Variants in EYS observed in about 807,000 individuals in gnomAD.
EYS encodes EGF-like photoreceptor maintenance factor.
A neutral mutation model predicts 282.1 loss-of-function variants in EYS; 250 were observed. The observed-to-expected ratio is 0.89, with a 90% CI of 0.80 to 0.98. EYS has a LOEUF of 0.98. EYS is among the 50% of genes least tolerant of loss of function. EYS has a pLI of 0.00. For missense variants in EYS, 4,016 were observed against 3,709.0 expected (o/e 1.08, Z -2.15); for synonymous variants, 1,355 against 1,282.9 (o/e 1.06, Z -1.20).
intron 2 of EYS, among the ~76,000 whole-genome samples, chr6:65,499,653 C>T (rs931256831): frequency 1.3e-5 from 2 of 151,922 alleles, no homozygotes; most frequent in African/African-American, 4.8e-5. Context: ...AAGTAAGCAA[C>T]AAATTTTACC....
chr6:63,879,818 G>A (rs936792700), intron 35 of EYS, among the ~76,000 whole-genome samples: 1 of 152,094 alleles, frequency 6.6e-6, no homozygotes, highest in African/African-American at 2.4e-5. Flanking sequence ...AAGCATCTGG[G>A]GTGACTGCCT....
At chr6:65,018,315 T>G (rs1303994046) in intron 13 of EYS, among the ~76,000 whole-genome samples, 1 of 152,178 alleles carries the variant, frequency 6.6e-6, no homozygotes, top group Non-Finnish European at 1.5e-5. Flanking sequence ...ATGTGTTCCA[T>G]GTCTCTCCTC....
chr6:64,406,099 T>A (rs141335526), intron 28 of EYS, among the ~76,000 whole-genome samples: 96 of 152,256 alleles, frequency 6.3e-4, no homozygotes, highest in African/African-American at 2.0e-3. Flanking sequence ...ATGGTACTGG[T>A]AGCAAAACAG....
At chr6:64,420,817 T>A (rs927237932) in intron 28 of EYS, among the ~76,000 whole-genome samples, 1 of 152,158 alleles carries the variant, frequency 6.6e-6, no homozygotes, top group African/African-American at 2.4e-5. Flanking sequence ...AATAAGTTCT[T>A]CCTCTCCATC....
At chr6:65,533,369 GC>G (rs1767851910) in intron 2 of EYS, among the ~76,000 whole-genome samples, 1 of 152,006 alleles carries the variant, frequency 6.6e-6, no homozygotes, top group Non-Finnish European at 1.5e-5. Context: ...AAAAGTCCAG[GC>G]CCAGACGGAT....
intron 13 of EYS, among the ~76,000 whole-genome samples, chr6:65,006,974 G>C (rs1430587011): frequency 6.6e-6 from 1 of 152,192 alleles, no homozygotes; most frequent in Non-Finnish European, 1.5e-5. Context: ...TGATGGGGCA[G>C]CTGGGTTGTT....
chr6:63,993,053 A>C (rs762173440), intron 34 of EYS, among the ~76,000 whole-genome samples: 1 of 151,814 alleles, frequency 6.6e-6, no homozygotes, highest in Non-Finnish European at 1.5e-5. Flanking sequence ...GGAGAATGTA[A>C]TAATAATTAC....
chr6:65,631,161 T>C (rs976740626), intron 2 of EYS, among the ~76,000 whole-genome samples: 3 of 152,296 alleles, frequency 2.0e-5, no homozygotes, highest in East Asian at 3.9e-4. Context: ...AACCAAGTTT[T>C]TGGTGACAAT....
chr6:63,924,000 T>G (rs1406535353), intron 35 of EYS, among the ~76,000 whole-genome samples: 2 of 152,220 alleles, frequency 1.3e-5, no homozygotes, highest in African/African-American at 4.8e-5. Context: ...AATGGTTCTA[T>G]TCATAGATCT....
chr6:64,736,657 A>T (rs541767659), intron 22 of EYS, among the ~76,000 whole-genome samples: 2 of 152,096 alleles, frequency 1.3e-5, no homozygotes, highest in Non-Finnish European at 2.9e-5. Flanking sequence ...TGTTTTTAAC[A>T]TTATATTTCT....
At chr6:63,777,290 G>C (rs1156670313) in intron 40 of EYS, among the ~76,000 whole-genome samples, 1 of 152,144 alleles carries the variant, frequency 6.6e-6, no homozygotes, top group Non-Finnish European at 1.5e-5. Context: ...GAGAAACTCT[G>C]ACACTCCTCT....
intron 26 of EYS, among the ~76,000 whole-genome samples, chr6:64,509,621 G>T (rs1777320715): frequency 6.6e-6 from 1 of 152,092 alleles, no homozygotes; most frequent in African/African-American, 2.4e-5. Context: ...AATGGATATG[G>T]TTTGGTGTGC....
chr6:64,397,964 G>A (rs1773429922), intron 28 of EYS, among the ~76,000 whole-genome samples: 2 of 151,442 alleles, frequency 1.3e-5, no homozygotes, highest in East Asian at 3.9e-4. Flanking sequence ...GTTTTCTTTG[G>A]CCTCAGTGGT....
intron 22 of EYS, among the ~76,000 whole-genome samples, chr6:64,753,081 A>T (rs1190271374): frequency 6.6e-6 from 1 of 152,182 alleles, no homozygotes; most frequent in Non-Finnish European, 1.5e-5. Context: ...GACTGGTCCT[A>T]CAAGAAATCC....
intron 19 of EYS, among the ~76,000 whole-genome samples, chr6:64,878,186 C>T (rs1562239160): frequency 6.6e-6 from 1 of 152,034 alleles, no homozygotes; most frequent in Non-Finnish European, 1.5e-5. Flanking sequence ...GATTGCACCA[C>T]TGCACTCCAG....
At chr6:65,576,226 A>C (rs548194355) in intron 2 of EYS, among the ~76,000 whole-genome samples, 1 of 152,178 alleles carries the variant, frequency 6.6e-6, no homozygotes, top group South Asian at 2.1e-4. Context: ...AGGATCACTT[A>C]CTATAATCAA....
intron 19 of EYS, among the ~76,000 whole-genome samples, chr6:64,843,385 T>A (rs898558350): frequency 6.6e-6 from 1 of 152,116 alleles, no homozygotes; most frequent in Admixed American, 6.6e-5. Flanking sequence ...TGCCAGCCTG[T>A]GAAAGCAGCC....
Position 64,667,719 on chromosome 6 carries a change from A to G in EYS, c.3444-41474T>C, listed in dbSNP as rs531244209. Among the ~76,000 whole-genome samples, 27 of 152,244 alleles carry G rather than the reference A, an allele frequency of 1.8e-4. No individual in the cohort carries two copies. In the South Asian group the frequency reaches 5.4e-3, roughly 30 times the overall value. On this transcript the variant is annotated intron_variant, in intron 22 of 42. Coordinates refer to ENST00000503581, the MANE Select transcript of EYS (RefSeq NM_001142800.2). ...TAGAAACACTCAAAAGGTAATTTAC[A>G]TATTGTTTTTTAAGATTTTTAATAT...
chr6:64,984,293 T>C (rs1770778746), intron 14 of EYS, among the ~76,000 whole-genome samples: 2 of 151,356 alleles, frequency 1.3e-5, no homozygotes, highest in Non-Finnish European at 3.0e-5. Flanking sequence ...TGGCTTTTCT[T>C]CTAAAGGAGC....
Sources: allele counts gnomAD v4.1 joint callset (sites outside exome capture counted in the v4.1 genomes callset), GRCh38; gene constraint gnomAD v4.1.1; transcripts MANE v1.5; gene names NCBI Gene and HGNC (gene_info 2026-07-23, HGNC 2026-07-21).